Variants in GALNTL6 observed in about 807,000 individuals in gnomAD.
GALNTL6 encodes polypeptide N-acetylgalactosaminyltransferase like 6.
In GALNTL6, 46 loss-of-function variants were observed where a neutral mutation model predicts 73.7. The observed-to-expected ratio is 0.62, with a 90% CI of 0.49 to 0.80. GALNTL6 has a LOEUF of 0.80. Among genes scored for constraint, GALNTL6 ranks in the 30% least tolerant of loss-of-function variants. The pLI is 0.00. For missense variants in GALNTL6, 604 were observed against 755.0 expected, an observed-to-expected ratio of 0.80 and a Z score of 2.34; for synonymous variants, 259 against 263.7, an observed-to-expected ratio of 0.98 and a Z score of 0.17.
intron 5 of GALNTL6, among the ~76,000 whole-genome samples, chr4:172,515,928 G>A (rs959302433): frequency 6.6e-5 from 10 of 152,086 alleles, no homozygotes; most frequent in African/African-American, 2.4e-4. Context: ...ACCACCCTCA[G>A]ACCCAAACCA....
intron 4 of GALNTL6, among the ~76,000 whole-genome samples, chr4:172,343,073 T>G (rs1282684947): frequency 6.6e-6 from 1 of 152,198 alleles, no homozygotes; most frequent in East Asian, 1.9e-4. Flanking sequence ...TTATTTTAAG[T>G]CATTGAAATT....
chr4:172,033,784 A>G (rs1741843246), intron 2 of GALNTL6, among the ~76,000 whole-genome samples: 1 of 152,124 alleles, frequency 6.6e-6, no homozygotes, highest in Non-Finnish European at 1.5e-5. Flanking sequence ...GTTGTGACAG[A>G]GATTGTATAA....
intron 2 of GALNTL6, among the ~76,000 whole-genome samples, chr4:171,869,481 C>A (rs116825695): frequency 0.013 from 1,933 of 152,146 alleles, 43 homozygotes; most frequent in African/African-American, 0.043. Context: ...ATATTACCAA[C>A]CTTTTTGTTT....
At chr4:172,374,282 C>T (rs1039730794) in intron 5 of GALNTL6, among the ~76,000 whole-genome samples, 1 of 152,182 alleles carries the variant, frequency 6.6e-6, no homozygotes, top group African/African-American at 2.4e-5. Flanking sequence ...TCTCTGATCT[C>T]GCTTTTCCTT....
intron 5 of GALNTL6, among the ~76,000 whole-genome samples, chr4:172,807,740 T>TA (rs1741047394): frequency 6.6e-6 from 1 of 152,230 alleles, no homozygotes; most frequent in Non-Finnish European, 1.5e-5. Flanking sequence ...CCTTGTTACT[T>TA]ACATGAAGAA....
intron 2 of GALNTL6, among the ~76,000 whole-genome samples, chr4:172,055,130 C>G (rs558673146): frequency 6.6e-6 from 1 of 152,182 alleles, no homozygotes; most frequent in East Asian, 1.9e-4. Context: ...GTATGGGGCT[C>G]TCTGGCAAAA....
At chr4:172,028,834 G>T (rs1011550204) in intron 2 of GALNTL6, among the ~76,000 whole-genome samples, 2 of 151,914 alleles carry the variant, frequency 1.3e-5, no homozygotes, top group Non-Finnish European at 2.9e-5. Context: ...TTAGTACTTA[G>T]AAATGTAAAA....
At chr4:171,980,660 T>G (rs1318324504) in intron 2 of GALNTL6, among the ~76,000 whole-genome samples, 1 of 152,202 alleles carries the variant, frequency 6.6e-6, no homozygotes, top group Non-Finnish European at 1.5e-5. Context: ...TCGGAAGCAG[T>G]GTTCTTGTGT....
At chr4:172,045,558 A>T (rs186460630) in intron 2 of GALNTL6, among the ~76,000 whole-genome samples, 3 of 152,056 alleles carry the variant, frequency 2.0e-5, no homozygotes. Flanking sequence ...TGCTTTCCAA[A>T]CACTCCATAC....
chr4:172,208,001 A>G (rs1736199848), intron 2 of GALNTL6, among the ~76,000 whole-genome samples: 1 of 152,242 alleles, frequency 6.6e-6, no homozygotes, highest in South Asian at 2.1e-4. Flanking sequence ...GTTTAAGTCA[A>G]TGAAAGAAGA....
At chr4:172,559,614 T>C (rs1168862564) in intron 5 of GALNTL6, among the ~76,000 whole-genome samples, 1 of 152,226 alleles carries the variant, frequency 6.6e-6, no homozygotes, top group Non-Finnish European at 1.5e-5. Context: ...TACTGTTCCT[T>C]TGAATCTTCA....
intron 5 of GALNTL6, among the ~76,000 whole-genome samples, chr4:172,466,018 T>G (rs1273333110): frequency 6.6e-6 from 1 of 152,214 alleles, no homozygotes; most frequent in African/African-American, 2.4e-5. Flanking sequence ...AATGTTTTTG[T>G]AACAAATACT....
chr4:173,032,966 C>T (rs1753532671), intron 12 of GALNTL6, among the ~76,000 whole-genome samples: 1 of 152,148 alleles, frequency 6.6e-6, no homozygotes, highest in African/African-American at 2.4e-5. Flanking sequence ...AGCACTCACA[C>T]CAAGGGGCTC....
chr4:172,087,092 G>T (rs1172774106), intron 2 of GALNTL6, among the ~76,000 whole-genome samples: 1 of 152,086 alleles, frequency 6.6e-6, no homozygotes, highest in African/African-American at 2.4e-5. Flanking sequence ...AATGGTAAAG[G>T]CCTAGAAACA....
intron 7 of GALNTL6, among the ~76,000 whole-genome samples, chr4:172,871,445 C>T (rs917717294): frequency 6.6e-6 from 1 of 151,840 alleles, no homozygotes; most frequent in Non-Finnish European, 1.5e-5. Context: ...TATGGCTATA[C>T]TGATCTACTT....
chr4:172,030,805 C>A (rs979479875), intron 2 of GALNTL6, among the ~76,000 whole-genome samples: 1 of 148,710 alleles, frequency 6.7e-6, no homozygotes, highest in Non-Finnish European at 1.5e-5. Flanking sequence ...CACACACATA[C>A]ATACACATAT....
chr4:172,780,250 C>G (rs10866361), intron 5 of GALNTL6, among the ~76,000 whole-genome samples: 73,273 of 151,926 alleles, frequency 0.48, 18,901 homozygotes, highest in East Asian at 0.73. Context: ...GTTGTCACTT[C>G]TATTCAGAAT....
intron 7 of GALNTL6, among the ~76,000 whole-genome samples, chr4:172,879,366 A>G (rs1745343560): frequency 6.6e-6 from 1 of 151,930 alleles, no homozygotes; most frequent in Non-Finnish European, 1.5e-5. Context: ...AAGATAGACC[A>G]TATTCTAAGC....
intron 5 of GALNTL6, among the ~76,000 whole-genome samples, chr4:172,696,267 C>T (rs1733687855): frequency 6.6e-6 from 1 of 152,150 alleles, no homozygotes; most frequent in South Asian, 2.1e-4. Context: ...TTGAGCTTGT[C>T]ATGCTTGATT....
Sources: gnomAD v4.1 joint callset for allele counts (sites outside exome capture counted in the v4.1 genomes callset) on GRCh38, gnomAD v4.1.1 for gene constraint, MANE v1.5 for transcripts, NCBI Gene and HGNC (gene_info 2026-07-23, HGNC 2026-07-21) for gene names.